Variants in AGTPBP1 observed in about 807,000 individuals in gnomAD.
The protein encoded by AGTPBP1 is cytosolic carboxypeptidase 1.
AGTPBP1 carries 70 observed loss-of-function variants against 143.9 expected under a neutral mutation model. The ratio of observed to expected loss-of-function variants is 0.49; its 90% CI spans 0.40 to 0.59. The LOEUF (loss-of-function observed/expected upper bound fraction) is 0.59, where lower values mean the gene tolerates loss of function less well. Among genes scored for constraint, AGTPBP1 ranks in the 20% least tolerant of loss-of-function variants. The pLI is 0.00. For missense variants in AGTPBP1, 1,229 were observed against 1,464.5 expected (o/e 0.84, Z 2.62); for synonymous variants, 463 against 500.2 (o/e 0.93, Z 0.99).
intron 25 of AGTPBP1, among the ~76,000 whole-genome samples, chr9:85,553,167 G>A (rs540473790): frequency 5.3e-5 from 8 of 152,166 alleles, no homozygotes; most frequent in Middle Eastern, 3.4e-3. Context: ...GCATATAGAC[G>A]TACATGCATA....
At chr9:85,651,822 T>C (rs1345978075) in intron 11 of AGTPBP1, among the ~76,000 whole-genome samples, 1 of 152,242 alleles carries the variant, frequency 6.6e-6, no homozygotes, top group African/African-American at 2.4e-5. Context: ...GCTCGATTCA[T>C]TTATTCAACA....
chr9:85,557,916 A>C (rs1182538874), intron 25 of AGTPBP1, among the ~76,000 whole-genome samples: 1 of 152,186 alleles, frequency 6.6e-6, no homozygotes, highest in Non-Finnish European at 1.5e-5. Context: ...AATGCTGGGG[A>C]CAGGACTACA....
intron 23 of AGTPBP1, among the ~76,000 whole-genome samples, chr9:85,583,379 G>A (rs1828402294): frequency 6.6e-6 from 1 of 151,924 alleles, no homozygotes; most frequent in Admixed American, 6.6e-5. Flanking sequence ...CTACAACCCT[G>A]GAAATGTAAG....
intron 11 of AGTPBP1, among the ~76,000 whole-genome samples, chr9:85,647,209 G>A (rs1027212436): frequency 2.6e-5 from 4 of 152,140 alleles, no homozygotes; most frequent in Admixed American, 1.3e-4. Flanking sequence ...CCTGGGAGGC[G>A]GAGGTTGCGG....
Position 85,665,728 on chromosome 9 carries a change from T to C in AGTPBP1, c.662+3757A>G, listed in dbSNP as rs572433067. 5.3e-5 allele frequency among the ~76,000 whole-genome samples: 8 copies of C among 152,306 alleles called. No homozygotes were observed. The East Asian group carries it at 1.5e-3, about 29-fold the overall frequency. On this transcript the variant is annotated intron_variant, in intron 8 of 25. Transcript: ENST00000357081. ...GAACATTTTTTTCTGTTGATGTTTA[T>C]TTTTCAACACTGGAAAGCTGGGATA...
the AGTPBP1 span, among the ~76,000 whole-genome samples, chr9:85,794,581 G>T: frequency 6.6e-6 from 1 of 152,272 alleles, no homozygotes; most frequent in South Asian, 2.1e-4. Flanking sequence ...GTCGAAGTGT[G>T]AATCCATGAA....
chr9:85,730,401 T>C (rs1276443624), intron 1 of AGTPBP1, among the ~76,000 whole-genome samples: 1 of 152,124 alleles, frequency 6.6e-6, no homozygotes, highest in Non-Finnish European at 1.5e-5. Context: ...TGGAAAAGCA[T>C]TGCAAGGGAA....
intron 17 of AGTPBP1, 86 bp downstream of exon 17, chr9:85,618,897 A>T (rs1030309005): frequency 7.1e-7 from 1 of 1,411,130 alleles, no homozygotes; most frequent in African/African-American, 1.5e-5. Context: ...ACATTTTTTA[A>T]AAGTTGACAA....
At chr9:85,603,896 C>A (rs893217642) in intron 17 of AGTPBP1, among the ~76,000 whole-genome samples, 3 of 152,110 alleles carry the variant, frequency 2.0e-5, no homozygotes, top group African/African-American at 7.2e-5. Flanking sequence ...AAAGACTCTT[C>A]TGCATGAAAA....
Position 85,657,416 on chromosome 9 carries a change from TAAG to T in AGTPBP1, c.909+16_909+18del, listed in dbSNP as rs756797586. 1.2e-5 allele frequency: 19 copies of T among 1,584,388 alleles called. No homozygotes were observed. The highest frequency in any genetic ancestry group is 8.1e-5 in the African/African-American group (6 of 74,146). ...TATTATTAGTACATAATCACAATAA[TAAG>T]AAGAAAATAACTCACTTGCGAAGTA... is the stretch of plus-strand genomic sequence containing the variant. On this transcript the variant is annotated intron_variant, in intron 10 of 25. Coordinates refer to ENST00000357081, the MANE Select transcript of AGTPBP1 (RefSeq NM_001330701.2).
chr9:85,548,204 T>C (rs1825834594), intron 25 of AGTPBP1, among the ~76,000 whole-genome samples: 1 of 152,184 alleles, frequency 6.6e-6, no homozygotes, highest in South Asian at 2.1e-4. Flanking sequence ...ACAATATCTG[T>C]TAAAATAAGA....
At position 85,621,222 on chromosome 9, in the gene AGTPBP1, T is replaced by C. The variant is rs1399450141; in HGVS notation, c.2079A>G (p.Val693=). 1.4e-6 allele frequency: 2 copies of C among 1,471,068 alleles called. No individual in the cohort carries two copies. The highest frequency in any genetic ancestry group is 8.9e-7 in the Non-Finnish European group (1 of 1,118,156). 91.1% of individuals were successfully genotyped at this position (1,471,068 alleles called of 1,614,324 possible). A position where few individuals can be genotyped will look rare whatever the true frequency, so the allele number is the denominator to read the frequency against. ...IHQSDIIDRV[V]YDLDNPNYTI... is the part of the protein sequence containing the mutation. ...CTTACTTTGGGTTATCCAAGTCATA[T>C]ACCACACGATCTATGATATCACTCT... Residue 693 remains valine (V), a synonymous_variant, in exon 15 of 26, where the codon GTA becomes GTG. Transcript: ENST00000357081.
the AGTPBP1 span, among the ~76,000 whole-genome samples, chr9:85,772,789 A>C: frequency 1.3e-5 from 2 of 152,174 alleles, no homozygotes; most frequent in African/African-American, 4.8e-5. Flanking sequence ...CCAAACTGTC[A>C]CTTATTTATA....
At chr9:85,764,399 G>A in the AGTPBP1 span, among the ~76,000 whole-genome samples, 1,522 of 152,072 alleles carry the variant, frequency 0.01, 14 homozygotes, top group African/African-American at 0.035. Context: ...ACATGGTGAT[G>A]AGCGCCTGTA....
At chr9:85,664,504 T>TC (rs1449158255) in intron 8 of AGTPBP1, among the ~76,000 whole-genome samples, 1 of 152,146 alleles carries the variant, frequency 6.6e-6, no homozygotes, top group Non-Finnish European at 1.5e-5. Flanking sequence ...GTACTGTGCC[T>TC]CCCAAGCCTA....
At chr9:85,655,891 T>A (rs554708686) in intron 10 of AGTPBP1, among the ~76,000 whole-genome samples, 2 of 152,216 alleles carry the variant, frequency 1.3e-5, no homozygotes, top group East Asian at 3.9e-4. Context: ...GAAGTAGAGC[T>A]ATCTCGGCTC....
intron 3 of AGTPBP1, among the ~76,000 whole-genome samples, chr9:85,689,008 T>C (rs529368640): frequency 1.3e-5 from 2 of 152,328 alleles, no homozygotes; most frequent in South Asian, 4.1e-4. Flanking sequence ...AGACTATACA[T>C]ATTTTGTATA....
At chr9:85,572,018 T>G (rs1009474263) in intron 25 of AGTPBP1, among the ~76,000 whole-genome samples, 13 of 22,716 alleles carry the variant, frequency 5.7e-4, no homozygotes, top group African/African-American at 1.9e-3. Context: ...TTTTTTTTTT[T>G]TTTTTTTTTT....
the AGTPBP1 span, chr9:85,770,293 G>A: frequency 6.3e-7 from 1 of 1,592,794 alleles, no homozygotes. Context: ...GGAAGAACAT[G>A]TTCTTTTCCA....
Sources: gnomAD v4.1 joint callset for allele counts (sites outside exome capture counted in the v4.1 genomes callset) on GRCh38, gnomAD v4.1.1 for gene constraint, MANE v1.5 for transcripts, NCBI Gene and HGNC (gene_info 2026-07-23, HGNC 2026-07-21) for gene names.